Variants in ADAM29 observed in about 807,000 individuals in gnomAD.
The protein encoded by ADAM29 is disintegrin and metalloproteinase domain-containing protein 29.
For missense variants in ADAM29, 969 were observed against 1,001.8 expected (o/e 0.97, Z 0.44); for synonymous variants, 367 against 342.3 (o/e 1.07, Z -0.80).
At chr4:174,941,232 G>A (rs1744519550) in intron 4 of ADAM29, among the ~76,000 whole-genome samples, 2 of 152,070 alleles carry the variant, frequency 1.3e-5, no homozygotes, top group Non-Finnish European at 2.9e-5. Context: ...TTTTAAAAAC[G>A]GACCTGCTTC....
At chr4:174,933,174 T>C (rs1309299209) in intron 3 of ADAM29, among the ~76,000 whole-genome samples, 1 of 152,142 alleles carries the variant, frequency 6.6e-6, no homozygotes, top group African/African-American at 2.4e-5. Context: ...AAAAGCTCTC[T>C]GCCTGAAAGT....
At chr4:174,946,164 C>T (rs948480741) in intron 4 of ADAM29, among the ~76,000 whole-genome samples, 1 of 152,078 alleles carries the variant, frequency 6.6e-6, no homozygotes, top group East Asian at 1.9e-4. Flanking sequence ...TTTTTGACTT[C>T]TTTCAGCAGT....
intron 3 of ADAM29, among the ~76,000 whole-genome samples, chr4:174,935,238 A>G (rs1268745402): frequency 1.3e-5 from 2 of 152,196 alleles, no homozygotes; most frequent in African/African-American, 2.4e-5. Flanking sequence ...AGAAGGGTCT[A>G]CATATAATAC....
rs1242104891 is a variant in ADAM29, at chr4:174,977,914, C to T, written c.2389C>T (p.Pro797Ser). The T allele has an allele frequency of 3.1e-6, 5 of 1,592,434 alleles. No homozygotes were observed. Among genetic ancestry groups the T allele is most frequent in the Non-Finnish European group, 4.3e-6 (5 of 1,167,096 alleles). Reference protein sequence around the residue: ...HPQLTPSQSQPPVTPSQRQPQ... With the variant: ...HPQLTPSQSQSPVTPSQRQPQ... ...TCAGTTGACGCCTTCCCAGAGTCAA[C>T]CTCCTGTGACACCCTCCCAGAGGCA... The change falls in exon 5 of 5, where the codon CCT becomes TCT. Residue 797 changes from proline to serine, a missense_variant. Transcript: ENST00000359240.
intron 4 of ADAM29, among the ~76,000 whole-genome samples, chr4:174,974,212 G>A (rs1434930991): frequency 6.6e-6 from 1 of 152,216 alleles, no homozygotes. Context: ...AACTCCCCAT[G>A]TCTTTGCCGA....
chr4:174,968,350 A>C (rs1424529583), intron 4 of ADAM29, among the ~76,000 whole-genome samples: 3 of 152,136 alleles, frequency 2.0e-5, no homozygotes, highest in Non-Finnish European at 1.5e-5. Context: ...TCGGGGAAGG[A>C]TTAAGGCTCT....
intron 4 of ADAM29, among the ~76,000 whole-genome samples, chr4:174,950,218 T>C (rs1745091094): frequency 6.6e-6 from 1 of 152,242 alleles, no homozygotes; most frequent in Non-Finnish European, 1.5e-5. Context: ...ATATCATTTA[T>C]ATGTTCATGT....
intron 4 of ADAM29, among the ~76,000 whole-genome samples, chr4:174,956,535 G>A (rs1206902562): frequency 6.6e-6 from 1 of 151,262 alleles, no homozygotes; most frequent in East Asian, 1.9e-4. Flanking sequence ...AAAAAAGAGA[G>A]AGAATAATGA....
chr4:174,948,898 C>T (rs1052394632), intron 4 of ADAM29, among the ~76,000 whole-genome samples: 8 of 152,016 alleles, frequency 5.3e-5, no homozygotes. Context: ...AGCAGCATCA[C>T]AAGGAAGGGG....
chr4:174,923,788 G>T (rs1212366557), intron 2 of ADAM29: 2 of 152,068 alleles, frequency 1.3e-5, no homozygotes, highest in South Asian at 4.2e-4. Context: ...AGTCCACTGG[G>T]TGGGATATAA....
At chr4:174,945,914 G>T (rs1744821592) in intron 4 of ADAM29, among the ~76,000 whole-genome samples, 1 of 152,132 alleles carries the variant, frequency 6.6e-6, no homozygotes, top group Non-Finnish European at 1.5e-5. Context: ...ATATTTGGAA[G>T]TCAGGTAATA....
intron 2 of ADAM29, chr4:174,924,082 G>A (rs1743348578): frequency 6.6e-6 from 1 of 151,968 alleles, no homozygotes; most frequent in Admixed American, 6.6e-5. Context: ...ACAGACTGAG[G>A]GAAATATGCA....
rs114425172 is a variant in ADAM29, at chr4:174,965,272, C to A, written c.-180-10074C>A. On this transcript the variant is annotated intron_variant, in intron 4 of 4. Transcript: ENST00000359240. ...AGAGAGAGAAACCAAGGAAGCCAGA[C>A]CCTTTTTGAACAACCAGCTCTCATG... is the stretch of plus-strand genomic sequence containing the variant. Among the ~76,000 whole-genome samples, 417 of 152,144 alleles carry A rather than the reference C, an allele frequency of 2.7e-3. 1 individual carries two copies. Among genetic ancestry groups the A allele is most frequent in the Non-Finnish European group, 4.9e-3 (336 of 68,008 alleles).
chr4:174,928,401 T>A (rs561414825), intron 2 of ADAM29, among the ~76,000 whole-genome samples: 1 of 151,570 alleles, frequency 6.6e-6, no homozygotes, highest in South Asian at 2.1e-4. Flanking sequence ...TGTAACTGAC[T>A]GGTTAGTTAC....
At chr4:174,971,114 A>G (rs1030583594) in intron 4 of ADAM29, among the ~76,000 whole-genome samples, 5 of 152,102 alleles carry the variant, frequency 3.3e-5, no homozygotes, top group Admixed American at 6.6e-5. Context: ...TGACTTTTAT[A>G]CTAGAATTAA....
intron 4 of ADAM29, among the ~76,000 whole-genome samples, chr4:174,958,768 GCACAGTAGTTACACTTCATTTTTA>G (rs1745647816): frequency 6.6e-6 from 1 of 151,080 alleles, no homozygotes; most frequent in African/African-American, 2.4e-5. Flanking sequence ...ATTTTATTTG[GCACAGTAGTTACACTTCATTTTTA>G]CATATCTGTA....
intron 4 of ADAM29, among the ~76,000 whole-genome samples, chr4:174,938,932 G>A (rs961914959): frequency 3.9e-5 from 6 of 152,112 alleles, no homozygotes; most frequent in Non-Finnish European, 7.4e-5. Context: ...GCTTGTGGCA[G>A]CATTACTGCA....
intron 4 of ADAM29, among the ~76,000 whole-genome samples, chr4:174,963,900 ACCTCGTGATCTGCCTG>A (rs1248562286): frequency 6.6e-6 from 1 of 151,808 alleles, no homozygotes; most frequent in East Asian, 1.9e-4. Flanking sequence ...CGAACTCCTG[ACCTCGTGATCTGCCTG>A]CCTCAACCTC....
chr4:174,962,461 G>A (rs991300863), intron 4 of ADAM29, among the ~76,000 whole-genome samples: 13 of 149,650 alleles, frequency 8.7e-5, no homozygotes, highest in Admixed American at 4.7e-4. Flanking sequence ...GCAGTGAGCC[G>A]AGATCGCGCC....
Sources: allele counts gnomAD v4.1 joint callset (sites outside exome capture counted in the v4.1 genomes callset), GRCh38; gene constraint gnomAD v4.1.1; transcripts MANE v1.5; gene names NCBI Gene and HGNC (gene_info 2026-07-23, HGNC 2026-07-21).